MTA3: variants seen among roughly 807,000 people sequenced by gnomAD.
The protein encoded by MTA3 is metastasis-associated protein MTA3.
In MTA3, 34 loss-of-function variants were observed where a neutral mutation model predicts 83.5. The observed-to-expected ratio is 0.41, with a 90% CI of 0.31 to 0.54. The LOEUF (loss-of-function observed/expected upper bound fraction) is 0.54, where lower values mean the gene tolerates loss of function less well. Among genes scored for constraint, MTA3 ranks in the 20% least tolerant of loss-of-function variants. The pLI, the probability that MTA3 is intolerant of heterozygous loss-of-function variation, is 0.33. For synonymous variants in MTA3, 303 were observed against 252.7 expected (o/e 1.20, Z -1.89); for missense variants, 761 against 726.4 (o/e 1.05, Z -0.55).
At chr2:42,632,416 C>A (rs1223613468) in intron 4 of MTA3, among the ~76,000 whole-genome samples, 1 of 152,052 alleles carries the variant, frequency 6.6e-6, no homozygotes, top group East Asian at 1.9e-4. Context: ...TACTTATTAA[C>A]CATCCCCACA....
chr2:42,626,705 G>T (rs1686136001), intron 4 of MTA3, among the ~76,000 whole-genome samples: 1 of 152,024 alleles, frequency 6.6e-6, no homozygotes, highest in East Asian at 1.9e-4. Context: ...TCCTGGATAG[G>T]TCAGTTCCAT....
chr2:42,685,739 C>T (rs563522344), intron 9 of MTA3, among the ~76,000 whole-genome samples: 1 of 152,296 alleles, frequency 6.6e-6, no homozygotes, highest in South Asian at 2.1e-4. Context: ...CTGGAATTGG[C>T]TACTTGTGTC....
chr2:42,738,820 G>T (rs976639482), intron 16 of MTA3, among the ~76,000 whole-genome samples: 1 of 152,168 alleles, frequency 6.6e-6, no homozygotes, highest in Non-Finnish European at 1.5e-5. Flanking sequence ...GTTTCTTATG[G>T]TTGAGACTGC....
chr2:42,650,305 A>G (rs1287081621), intron 6 of MTA3, among the ~76,000 whole-genome samples: 2 of 152,246 alleles, frequency 1.3e-5, no homozygotes, highest in Admixed American at 1.3e-4. Context: ...AAAAATTTAT[A>G]GGAACATAGT....
intron 2 of MTA3, among the ~76,000 whole-genome samples, chr2:42,506,770 G>A (rs1208615689): frequency 1.3e-5 from 2 of 151,958 alleles, no homozygotes; most frequent in African/African-American, 4.8e-5. Context: ...ACCACACCCA[G>A]CTAATTTTTG....
chr2:42,551,348 G>T (rs1490614546), intron 2 of MTA3, among the ~76,000 whole-genome samples: 1 of 151,920 alleles, frequency 6.6e-6, no homozygotes, highest in Non-Finnish European at 1.5e-5. Context: ...ACACCACCAT[G>T]CCTGGCTAAG....
intron 2 of MTA3, among the ~76,000 whole-genome samples, chr2:42,562,536 A>AG (rs1677715565): frequency 6.6e-6 from 1 of 152,192 alleles, no homozygotes. Flanking sequence ...TGGTCAGCAC[A>AG]GGCCATTCCC....
At chr2:42,542,399 G>A (rs956847450) in intron 2 of MTA3, among the ~76,000 whole-genome samples, 1 of 152,124 alleles carries the variant, frequency 6.6e-6, no homozygotes, top group Non-Finnish European at 1.5e-5. Context: ...GAATACCAAG[G>A]ATATATTAGT....
chr2:42,498,885 C>T (rs775150332), intron 2 of MTA3, among the ~76,000 whole-genome samples: 2 of 152,152 alleles, frequency 1.3e-5, no homozygotes, highest in Non-Finnish European at 2.9e-5. Flanking sequence ...CTTGACCCAT[C>T]AGTAACTTGG....
intron 2 of MTA3, among the ~76,000 whole-genome samples, chr2:42,511,285 T>C (rs143818286): frequency 1.0e-3 from 159 of 152,208 alleles, no homozygotes; most frequent in African/African-American, 3.3e-3. Flanking sequence ...ACTTTTTTTT[T>C]CTCTGGTTCT....
chr2:42,532,295 G>A (rs530650862), intron 2 of MTA3, among the ~76,000 whole-genome samples: 1 of 152,204 alleles, frequency 6.6e-6, no homozygotes, highest in Non-Finnish European at 1.5e-5. Context: ...TGGATCACTT[G>A]AGGTCAGTAG....
chr2:42,592,609 A>G (rs1046111784), intron 3 of MTA3, among the ~76,000 whole-genome samples: 1 of 152,126 alleles, frequency 6.6e-6, no homozygotes, highest in African/African-American at 2.4e-5. Context: ...CACTTTTTAA[A>G]CTTTTTTTAT....
chr2:42,625,810 A>G (rs373328007), intron 4 of MTA3, among the ~76,000 whole-genome samples: 16 of 151,192 alleles, frequency 1.1e-4, no homozygotes, highest in Non-Finnish European at 2.9e-5. Flanking sequence ...ATTTTAATAA[A>G]TCTATTATCT....
intron 3 of MTA3, among the ~76,000 whole-genome samples, chr2:42,606,859 C>T (rs1295427841): frequency 2.0e-5 from 3 of 148,926 alleles, no homozygotes; most frequent in Non-Finnish European, 4.5e-5. Context: ...TGGCGGATCA[C>T]TCGCGGTTAG....
rs1573728010 is a variant in MTA3, at chr2:42,713,458, A to G, written c.1525+4362A>G. On this transcript the variant is annotated intron_variant, in intron 14 of 16. Transcript: ENST00000405094. ...AGAGAGTTTAAATTTTTTTTTTAGT[A>G]TGTGCCTTGTGGTATAAGCCGAGGG... Among the ~76,000 whole-genome samples, 2 of 152,062 alleles carry G rather than the reference A, an allele frequency of 1.3e-5. 1 individual carries two copies. The highest frequency in any genetic ancestry group is 4.2e-4 in the South Asian group (2 of 4,812).
In MTA3 at chr2:42,754,746, T is replaced by C; in HGVS notation, c.*1347T>C. On this transcript the variant is annotated 3_prime_UTR_variant, in exon 17 of 17. Coordinates refer to ENST00000405094, the MANE Select transcript of MTA3 (RefSeq NM_001330442.2). ...CGAGAGGCCCAAATAGCCAAGCTGT[T>C]GCAAGACAGAGTGGCTACAATTGAA... The C allele has an allele frequency of 9.1e-6, 9 of 985,560 alleles. No individual in the cohort carries two copies. Among genetic ancestry groups the C allele is most frequent in the Non-Finnish European group, 1.1e-5 (9 of 829,984 alleles). 61.1% of individuals were successfully genotyped at this position (985,560 alleles called of 1,614,324 possible). A position where few individuals can be genotyped will look rare whatever the true frequency, so the allele number is the denominator to read the frequency against.
At chr2:42,719,456 A>G (rs1230969885) in intron 15 of MTA3, among the ~76,000 whole-genome samples, 1 of 152,234 alleles carries the variant, frequency 6.6e-6, no homozygotes, top group Non-Finnish European at 1.5e-5. Context: ...ACCTCTTTTT[A>G]AATAGAAGAT....
At chr2:42,652,085 A>G (rs901396635) in intron 6 of MTA3, among the ~76,000 whole-genome samples, 2 of 152,030 alleles carry the variant, frequency 1.3e-5, no homozygotes, top group African/African-American at 4.8e-5. Flanking sequence ...CAACAAGAAA[A>G]AAAAGAAAAA....
rs1473956399 is a variant in MTA3 at position 42,711,849 on chromosome 2, AGT to A, written c.1525+2756_1525+2757del. ...AAGTTTTCCTTAGTTTCTCAAAGGC[AGT>A]GTTAGGCCCTCCTCCACCCTGCAGA... On this transcript the variant is annotated intron_variant, in intron 14 of 16. Transcript: ENST00000405094. Among the ~76,000 whole-genome samples, 11 of 148,912 alleles carry A rather than the reference AGT, an allele frequency of 7.4e-5. No individual in the cohort carries two copies. The East Asian group carries it at 2.2e-3, about 29-fold the overall frequency.
Sources: gnomAD v4.1 joint callset for allele counts (sites outside exome capture counted in the v4.1 genomes callset) on GRCh38, gnomAD v4.1.1 for gene constraint, MANE v1.5 for transcripts, NCBI Gene and HGNC (gene_info 2026-07-23, HGNC 2026-07-21) for gene names.